The following SEL1L3 variants were observed in gnomAD, a reference collection of about 807,000 sequenced individuals.
The protein encoded by SEL1L3 is SEL1L family member 3.
A neutral mutation model predicts 142.8 loss-of-function variants in SEL1L3; 76 were observed. The ratio of observed to expected loss-of-function variants is 0.53; its 90% CI spans 0.44 to 0.64. The LOEUF (loss-of-function observed/expected upper bound fraction) is 0.64. Among genes scored for constraint, SEL1L3 ranks in the 30% least tolerant of loss-of-function variants. SEL1L3 has a pLI of 0.00. For missense variants in SEL1L3, 1,262 were observed against 1,381.7 expected, an observed-to-expected ratio of 0.91 and a Z score of 1.37; for synonymous variants, 504 against 519.6, an observed-to-expected ratio of 0.97 and a Z score of 0.41.
At chr4:25,779,327 C>T (rs1339031233) in intron 15 of SEL1L3, 124 bp from the exon 16 acceptor site, 1 of 1,058,514 alleles carries the variant, frequency 9.4e-7, no homozygotes, top group East Asian at 2.5e-5. Flanking sequence ...GCTTTAAAAC[C>T]AGGGCAAGCA....
chr4:25,736,818 C>T, the SEL1L3 span, among the ~76,000 whole-genome samples: 5 of 150,854 alleles, frequency 3.3e-5, no homozygotes, highest in African/African-American at 7.3e-5. Flanking sequence ...ATTTGTCATA[C>T]GTTGTTAGTG....
At chr4:25,795,060 T>TGGGGGGGGGGGGGGG (rs199884490) in intron 11 of SEL1L3, among the ~76,000 whole-genome samples, 2 of 42,328 alleles carry the variant, frequency 4.7e-5, no homozygotes, top group Non-Finnish European at 5.3e-5. Context: ...TCTTGGGGGG[T>TGGGGGGGGGGGGGGG]GGGGGGGAGG....
the SEL1L3 span, among the ~76,000 whole-genome samples, chr4:25,735,421 C>A: frequency 6.6e-6 from 1 of 151,992 alleles, no homozygotes; most frequent in Non-Finnish European, 1.5e-5. Context: ...AATTTTGTGT[C>A]TTTTCTCTAG....
chr4:25,759,655 T>C (rs1032944313), intron 20 of SEL1L3: 1 of 154,038 alleles, frequency 6.5e-6, no homozygotes, highest in Non-Finnish European at 1.4e-5. Flanking sequence ...TGACACCTTG[T>C]TCTTGATCCT....
chr4:25,780,360 C>T (rs527355867), intron 15 of SEL1L3, among the ~76,000 whole-genome samples: 1 of 152,290 alleles, frequency 6.6e-6, no homozygotes, highest in East Asian at 1.9e-4. Flanking sequence ...TTTTAAAATA[C>T]AGCCCATCGT....
At chr4:25,753,255 T>C (rs980391444) in intron 23 of SEL1L3, among the ~76,000 whole-genome samples, 1 of 152,272 alleles carries the variant, frequency 6.6e-6, no homozygotes, top group Admixed American at 6.5e-5. Context: ...GCAAAATGGA[T>C]GGACAGCTCA....
intron 14 of SEL1L3, among the ~76,000 whole-genome samples, chr4:25,782,802 G>T (rs1711529177): frequency 6.6e-6 from 1 of 152,128 alleles, no homozygotes; most frequent in Non-Finnish European, 1.5e-5. Flanking sequence ...CCCTGACTGG[G>T]ATGGTTTCTA....
At chr4:25,835,029 A>T (rs1201795805) in intron 3 of SEL1L3, among the ~76,000 whole-genome samples, 168 bp downstream of exon 3, 4 of 152,190 alleles carry the variant, frequency 2.6e-5, no homozygotes, top group Non-Finnish European at 5.9e-5. Flanking sequence ...GACTCATTTG[A>T]GGTTTTCAGG....
chr4:25,798,603 G>A (rs1219428670), intron 11 of SEL1L3, among the ~76,000 whole-genome samples: 4 of 152,136 alleles, frequency 2.6e-5, no homozygotes, highest in Admixed American at 6.5e-5. Flanking sequence ...CAAGGTAGGC[G>A]GATCACCTGA....
Position 25,757,104 on chromosome 4 carries a change from C to T in SEL1L3, c.3259+430G>A, listed in dbSNP as rs368295636. Among the ~76,000 whole-genome samples, 20 of 151,938 alleles carry T rather than the reference C, an allele frequency of 1.3e-4. No individual in the cohort carries two copies. The East Asian group carries it at 3.5e-3, about 27-fold the overall frequency. On this transcript the variant is annotated intron_variant, in intron 23 of 23. Transcript: ENST00000399878. Reference sequence around the variant, plus strand: ...CCAACATGGTGAAACCCCGTCTCTACTAAAAATACAAAAATTAGCCGGGTG... The same window carrying T: ...CCAACATGGTGAAACCCCGTCTCTATTAAAAATACAAAAATTAGCCGGGTG...
chr4:25,780,541 C>T (rs56037705), intron 15 of SEL1L3, among the ~76,000 whole-genome samples: 10,477 of 151,832 alleles, frequency 0.069, 422 homozygotes, highest in Non-Finnish European at 0.083. Context: ...AGCCTGCTTC[C>T]TTCTCAGGGC....
At chr4:25,749,793 G>A (rs1277603840) in intron 23 of SEL1L3, among the ~76,000 whole-genome samples, 2 of 152,196 alleles carry the variant, frequency 1.3e-5, no homozygotes, top group African/African-American at 2.4e-5. Flanking sequence ...TGGGCCAAAC[G>A]TAGTCATTGC....
chr4:25,841,328 C>G (rs1339751081), intron 2 of SEL1L3, among the ~76,000 whole-genome samples: 1 of 152,284 alleles, frequency 6.6e-6, no homozygotes, highest in African/African-American at 2.4e-5. Flanking sequence ...GCCACTGCAC[C>G]CAGCCCCTCC....
At chr4:25,746,768 T>C (rs915732526), downstream of SEL1L3, among the ~76,000 whole-genome samples, 6 of 151,850 alleles carry the variant, frequency 4.0e-5, no homozygotes, top group East Asian at 1.2e-3. Context: ...GTCAGCGCCT[T>C]GTTTCCTGTA....
rs567799525 is a variant in SEL1L3, at chr4:25,757,814, T to C, written c.3084-24A>G. 219 of 1,542,510 alleles carry C rather than the reference T, an allele frequency of 1.4e-4. 4 individuals are homozygous for C. In the South Asian group the frequency reaches 2.4e-3, roughly 17 times the overall value. On this transcript the variant is annotated intron_variant, in intron 21 of 23. Transcript: ENST00000399878. ...ACCTGCAGACAAAGCCCAGGGCATCTTGACGTGTCAGCCAACTTTGGTGGC... is the reference window on the plus strand; with the variant it reads ...ACCTGCAGACAAAGCCCAGGGCATCCTGACGTGTCAGCCAACTTTGGTGGC...
the SEL1L3 span, among the ~76,000 whole-genome samples, chr4:25,721,656 T>C: frequency 4.6e-5 from 7 of 152,188 alleles, no homozygotes; most frequent in South Asian, 2.1e-4. Flanking sequence ...CATAACTGTT[T>C]CATGGAGTGG....
intron 14 of SEL1L3, 62 bp downstream of exon 14, chr4:25,784,166 G>T: frequency 7.5e-7 from 1 of 1,335,630 alleles, no homozygotes; most frequent in Non-Finnish European, 1.1e-6. Flanking sequence ...TCTTTTAGAC[G>T]TGCGAGAGCG....
the SEL1L3 span, among the ~76,000 whole-genome samples, chr4:25,740,823 T>G: frequency 1.3e-5 from 2 of 152,292 alleles, no homozygotes; most frequent in East Asian, 3.9e-4. Context: ...TCTTGCTCTG[T>G]TGCCAGGCTG....
chr4:25,718,258 T>C, the SEL1L3 span: 2 of 152,178 alleles, frequency 1.3e-5, no homozygotes, highest in Admixed American at 1.3e-4. Context: ...GTAATTAGTA[T>C]ATTAAGTCCT....
Sources: gnomAD v4.1 joint callset for allele counts (sites outside exome capture counted in the v4.1 genomes callset) on GRCh38, gnomAD v4.1.1 for gene constraint, MANE v1.5 for transcripts, NCBI Gene and HGNC (gene_info 2026-07-23, HGNC 2026-07-21) for gene names.